STRN3: variants seen among roughly 807,000 people sequenced by gnomAD.
STRN3 encodes striatin 3.
STRN3 carries 29 observed loss-of-function variants against 95.6 expected under a neutral mutation model. The ratio of observed to expected loss-of-function variants is 0.30; its 90% CI spans 0.23 to 0.41. STRN3 has a LOEUF of 0.41. STRN3 is among the 10% of genes least tolerant of loss of function. The probability of loss-of-function intolerance (pLI) is 1.00; values close to 1 mark genes in which losing one functional copy is unlikely to be tolerated. For synonymous variants in STRN3, 331 were observed against 357.6 expected, an observed-to-expected ratio of 0.93 and a Z score of 0.84; for missense variants, 890 against 972.1, an observed-to-expected ratio of 0.92 and a Z score of 1.12.
In STRN3 at chr14:31,008,571, A is replaced by T. The variant is rs183941193; in HGVS notation, c.282+17333T>A. Among the ~76,000 whole-genome samples the T allele has an allele frequency of 2.0e-3, 306 of 152,284 alleles. 2 individuals are homozygous for T. Among genetic ancestry groups the T allele is most frequent in the African/African-American group, 6.9e-3 (287 of 41,570 alleles). ...TAGGATATTTAGCAGCATCATTTTTAAAAAAATGCCAGAGACAAGAAATAG... is the reference window on the plus strand; with the variant it reads ...TAGGATATTTAGCAGCATCATTTTTTAAAAAATGCCAGAGACAAGAAATAG... On this transcript the variant is annotated intron_variant, in intron 1 of 17. Transcript: ENST00000357479.
At chr14:30,925,895 C>A (rs926351967) in intron 8 of STRN3, among the ~76,000 whole-genome samples, 1 of 151,770 alleles carries the variant, frequency 6.6e-6, no homozygotes, top group East Asian at 1.9e-4. Context: ...AGGAGAACAT[C>A]AGAATAATAA....
intron 1 of STRN3, among the ~76,000 whole-genome samples, chr14:30,968,658 G>A (rs559581179): frequency 1.8e-4 from 26 of 140,616 alleles, no homozygotes; most frequent in African/African-American, 6.7e-4. Context: ...CAGCCTGGGC[G>A]ACAGAGGGAG....
chr14:30,986,311 G>A (rs915892077), intron 1 of STRN3, among the ~76,000 whole-genome samples: 1 of 152,030 alleles, frequency 6.6e-6, no homozygotes, highest in Non-Finnish European at 1.5e-5. Flanking sequence ...AGAGAAATAC[G>A]TATTTTTATT....
At chr14:31,008,124 G>A (rs1882803951) in intron 1 of STRN3, among the ~76,000 whole-genome samples, 2 of 151,996 alleles carry the variant, frequency 1.3e-5, no homozygotes, top group Admixed American at 6.6e-5. Flanking sequence ...CCAGGAGGTG[G>A]GGGTTGCAGT....
intron 1 of STRN3, among the ~76,000 whole-genome samples, chr14:30,983,360 T>C (rs574506775): frequency 6.6e-5 from 10 of 152,138 alleles, no homozygotes; most frequent in African/African-American, 1.9e-4. Context: ...CTGGCCAAAA[T>C]GGAGAAACCC....
chr14:30,987,467 A>C (rs1342846463), intron 1 of STRN3, among the ~76,000 whole-genome samples: 2 of 152,070 alleles, frequency 1.3e-5, no homozygotes, highest in Non-Finnish European at 1.5e-5. Flanking sequence ...AGATCGCGCC[A>C]CTGCACTTCA....
intron 15 of STRN3, among the ~76,000 whole-genome samples, chr14:30,905,091 C>A (rs2138965037): frequency 6.6e-6 from 1 of 152,126 alleles, no homozygotes; most frequent in East Asian, 1.9e-4. Flanking sequence ...CTGTAAAACA[C>A]CACATAATGC....
intron 1 of STRN3, among the ~76,000 whole-genome samples, chr14:30,961,698 T>G (rs1323389932): frequency 6.6e-6 from 1 of 152,230 alleles, no homozygotes; most frequent in Non-Finnish European, 1.5e-5. Flanking sequence ...CACAGATCAC[T>G]GTACCCTCTA....
intron 7 of STRN3, among the ~76,000 whole-genome samples, chr14:30,929,954 C>CAAAAAAAAAAACAAAAAAAAAAAAA (rs1393194244): frequency 5.0e-5 from 2 of 40,000 alleles, no homozygotes; most frequent in African/African-American, 2.5e-4. Context: ...CTAAGATTAG[C>CAAAAAAAAAAACAAAAAAAAAAAAA]AAAAAAAAAA....
rs748797586 is a variant in STRN3, at chr14:30,956,152, A to T, written c.373T>A (p.Leu125Ile). The change falls in exon 2 of 18, where the codon TTA becomes ATA. Residue 125 changes from leucine to isoleucine, a missense_variant. Physicochemically the swap from Leu to Ile is conservative, Grantham distance 5. Coordinates refer to ENST00000357479, the MANE Select transcript of STRN3 (RefSeq NM_001083893.2). ...AGGCACACATACCTTTCTTGTTTTAATGCATACTCTAACATCTTTATTCTT... is the reference window on the plus strand; with the variant it reads ...AGGCACACATACCTTTCTTGTTTTATTGCATACTCTAACATCTTTATTCTT... ...VRRIKMLEYALKQERAKYHKL... is the reference protein window; with the variant it reads ...VRRIKMLEYAIKQERAKYHKL... 3.1e-6 allele frequency: 5 copies of T among 1,613,646 alleles called. No homozygotes were observed. Among genetic ancestry groups the T allele is most frequent in the Non-Finnish European group, 4.2e-6 (5 of 1,179,732 alleles).
At chr14:30,944,103 G>C (rs1169940328) in intron 5 of STRN3, among the ~76,000 whole-genome samples, 1 of 151,946 alleles carries the variant, frequency 6.6e-6, no homozygotes, top group Non-Finnish European at 1.5e-5. Flanking sequence ...ACAAGGAGAA[G>C]ATACAGCTTA....
intron 1 of STRN3, among the ~76,000 whole-genome samples, chr14:30,989,175 T>C (rs1425987432): frequency 6.6e-6 from 1 of 152,204 alleles, no homozygotes; most frequent in African/African-American, 2.4e-5. Context: ...CCTTATTCTT[T>C]GGCCCACTAA....
rs755544785 is a variant in STRN3 at position 30,912,019 on chromosome 14, A to G, written c.1538T>C (p.Val513Ala). Residue 513 changes from valine to alanine, a missense_variant, in exon 11 of 18, where the codon GTT becomes GCT. Coordinates refer to ENST00000357479, the MANE Select transcript of STRN3 (RefSeq NM_001083893.2). ...CTAAAATACTTGCTTTTTGGCAGGA[A>G]CTGTTTTTTGCAGGTTCCAAAGTTT... ...TLKLWNLQKT[V>A]PAKKSASLDV... 1 of 1,607,780 alleles carries G rather than the reference A, an allele frequency of 6.2e-7. No homozygotes were observed. The highest frequency in any genetic ancestry group is 1.1e-5 in the South Asian group (1 of 89,148).
chr14:30,955,943 A>G (rs1221144572), intron 2 of STRN3, among the ~76,000 whole-genome samples, 196 bp downstream of exon 2: 1 of 152,164 alleles, frequency 6.6e-6, no homozygotes, highest in African/African-American at 2.4e-5. Context: ...AGATTCTGTA[A>G]CAAAACACAT....
intron 1 of STRN3, among the ~76,000 whole-genome samples, chr14:31,004,490 G>C (rs1018615513): frequency 6.6e-6 from 1 of 152,082 alleles, no homozygotes; most frequent in Admixed American, 6.6e-5. Flanking sequence ...TTTAAAAAAA[G>C]AGGCTGGGCC....
At chr14:30,943,242 A>C (rs1879178361) in intron 5 of STRN3, among the ~76,000 whole-genome samples, 1 of 152,238 alleles carries the variant, frequency 6.6e-6, no homozygotes, top group Non-Finnish European at 1.5e-5. Context: ...ATTAGGGCAG[A>C]ATCAGAAAAT....
intron 1 of STRN3, among the ~76,000 whole-genome samples, chr14:30,989,388 A>T (rs542767811): frequency 6.6e-6 from 1 of 152,162 alleles, no homozygotes; most frequent in African/African-American, 2.4e-5. Context: ...TATAGTGACT[A>T]TTTCTCCAAA....
chr14:30,957,346 G>A (rs1879966381), intron 1 of STRN3, among the ~76,000 whole-genome samples: 1 of 151,244 alleles, frequency 6.6e-6, no homozygotes. Context: ...CCAGCTGCTC[G>A]GGAGGGTGAG....
At chr14:31,025,342 A>T (rs1883761630) in intron 1 of STRN3, 3 of 156,250 alleles carry the variant, frequency 1.9e-5, no homozygotes, top group African/African-American at 7.2e-5. Context: ...AAAACTTCAC[A>T]GGTCAGTCCC....
Sources: allele counts gnomAD v4.1 joint callset (sites outside exome capture counted in the v4.1 genomes callset), GRCh38; gene constraint gnomAD v4.1.1; transcripts MANE v1.5; gene names NCBI Gene and HGNC (gene_info 2026-07-23, HGNC 2026-07-21).